The following CYBB variants were observed in gnomAD, a reference collection of about 807,000 sequenced individuals.
CYBB encodes cytochrome b-245 beta chain.
Under a neutral mutation model 46.5 loss-of-function variants are expected in CYBB, and 5 were observed. The observed-to-expected ratio is 0.11, with a 90% confidence interval of 0.06 to 0.23. The LOEUF is 0.23. Among genes scored for constraint, CYBB ranks in the 10% least tolerant of loss-of-function variants. CYBB has a pLI of 1.00. For missense variants in CYBB, 307 were observed against 428.3 expected (o/e 0.72, Z 2.50); for synonymous variants, 183 against 156.7 (o/e 1.17, Z -1.26).
At chrX:37,782,816 A>G (rs782245862) in intron 2 of CYBB, among the ~76,000 whole-genome samples, 2 of 111,403 alleles carry the variant, frequency 1.8e-5, no homozygotes, top group Non-Finnish European at 3.8e-5. Context: ...ATTAATTATT[A>G]TAAGTATTAT....
chrX:37,801,586 TTGTGTGTG>T (rs58302662), intron 8 of CYBB, among the ~76,000 whole-genome samples: 59 of 84,589 alleles, frequency 7.0e-4, no homozygotes, highest in African/African-American at 9.0e-4. Flanking sequence ...CCCCCACCCA[TTGTGTGTG>T]TGTGTGTGTG....
At chrX:37,803,750 C>A (rs188199559) in intron 8 of CYBB, 127 bp from the exon 9 acceptor site, 17 of 650,237 alleles carry the variant, frequency 2.6e-5, no homozygotes, top group Middle Eastern at 4.6e-4. Flanking sequence ...GCTGGAGGAA[C>A]TCCTGTGTTG....
chrX:37,784,503 C>T (rs1929018259), intron 3 of CYBB, among the ~76,000 whole-genome samples: 3 of 111,149 alleles, frequency 2.7e-5, no homozygotes, highest in African/African-American at 9.8e-5. Context: ...GACAGAAGCA[C>T]AGGAAATAGT....
chrX:37,802,549 A>G (rs903003327), intron 8 of CYBB, among the ~76,000 whole-genome samples: 4 of 111,749 alleles, frequency 3.6e-5, no homozygotes, highest in African/African-American at 1.3e-4. Context: ...ATATGGTAAA[A>G]ATTTTTTCCA....
At chrX:37,789,427 T>A (rs1929142947) in intron 3 of CYBB, among the ~76,000 whole-genome samples, 3 of 99,187 alleles carry the variant, frequency 3.0e-5, no homozygotes, top group African/African-American at 1.1e-4. Context: ...TCTCAGAAAC[T>A]ATAGAGGAAA....
chrX:37,804,895 A>G, intron 9 of CYBB, 111 bp from the exon 10 acceptor site: 3 of 804,241 alleles, frequency 3.7e-6, no homozygotes, highest in East Asian at 3.3e-5. Flanking sequence ...CAATAGATAC[A>G]TTATTCCAAT....
chrX:37,793,195 A>C (rs1249703940), intron 4 of CYBB, among the ~76,000 whole-genome samples: 1 of 107,882 alleles, frequency 9.3e-6, no homozygotes, highest in Non-Finnish European at 1.9e-5. Flanking sequence ...GTATCAATTC[A>C]ATCAAATTTG....
chrX:37,792,107 T>C, intron 4 of CYBB, 48 bp downstream of exon 4: 1 of 833,980 alleles, frequency 1.2e-6, no homozygotes. Flanking sequence ...CCTCTATTCA[T>C]AGATACCTTT....
rs1033264930 is a variant in CYBB, at chrX:37,812,209, A to G, written c.*1292A>G. ...TATGTTCTGAATATATGTTCAAGAGAGAGTCTCTAAATCACTGTTAGTGTG... is the reference window on the plus strand; with the variant it reads ...TATGTTCTGAATATATGTTCAAGAGGGAGTCTCTAAATCACTGTTAGTGTG... On this transcript the variant is annotated 3_prime_UTR_variant, in exon 13 of 13. Transcript: ENST00000378588. 2 of 112,276 alleles carry G rather than the reference A, an allele frequency of 1.8e-5. No homozygotes were observed. The highest frequency in any genetic ancestry group is 3.2e-5 in the African/African-American group (1 of 30,848). 9.3% of individuals were successfully genotyped at this position (112,276 alleles called of 1,213,427 possible).
At chrX:37,786,133 C>A (rs781871572) in intron 3 of CYBB, among the ~76,000 whole-genome samples, 4 of 112,379 alleles carry the variant, frequency 3.6e-5, no homozygotes, top group African/African-American at 9.7e-5. Flanking sequence ...GTGAACTTTT[C>A]TAATAAAACT....
At chrX:37,790,140 T>C (rs1929165848) in intron 3 of CYBB, among the ~76,000 whole-genome samples, 1 of 111,714 alleles carries the variant, frequency 9.0e-6, no homozygotes, top group Non-Finnish European at 1.9e-5. Context: ...AAAAAACCCT[T>C]TGGGATAAGT....
chrX:37,799,395 G>A (rs1929390442), intron 7 of CYBB, among the ~76,000 whole-genome samples: 1 of 111,700 alleles, frequency 9.0e-6, no homozygotes, highest in Non-Finnish European at 1.9e-5. Flanking sequence ...ATGATTTTTA[G>A]GGGGACACTT....
intron 6 of CYBB, 83 bp from the exon 7 acceptor site, chrX:37,798,872 C>A: frequency 1.0e-6 from 1 of 987,187 alleles, no homozygotes; most frequent in Non-Finnish European, 1.4e-6. Context: ...TACATCAGAG[C>A]ACTTAAAATA....
At chrX:37,780,707 T>C (rs1271806281) in intron 1 of CYBB, among the ~76,000 whole-genome samples, 2 of 107,901 alleles carry the variant, frequency 1.9e-5, no homozygotes, top group Non-Finnish European at 3.8e-5. Flanking sequence ...AAATATGTAG[T>C]ATGTATATTT....
rs911805992 is a variant in CYBB, at chrX:37,780,899, C to T, written c.45+777C>T. On this transcript the variant is annotated intron_variant, in intron 1 of 12. Coordinates refer to ENST00000378588, the MANE Select transcript of CYBB (RefSeq NM_000397.4). ...TGGACAAATTGGGTAGATAGAAATACGATTTTTAAATAGCCTTTCTAAATA... is the reference window on the plus strand; with the variant it reads ...TGGACAAATTGGGTAGATAGAAATATGATTTTTAAATAGCCTTTCTAAATA... 4.5e-5 allele frequency among the ~76,000 whole-genome samples: 5 copies of T among 111,096 alleles called. No homozygotes were observed. In the South Asian group the frequency reaches 1.1e-3, roughly 25 times the overall value.
At chrX:37,780,779 T>C (rs1928936652) in intron 1 of CYBB, among the ~76,000 whole-genome samples, 1 of 110,638 alleles carries the variant, frequency 9.0e-6, no homozygotes, top group Non-Finnish European at 1.9e-5. Context: ...AGTAAAGATA[T>C]AGCTAATTTA....
intron 1 of CYBB, 124 bp downstream of exon 1, chrX:37,780,246 C>T (rs1469140046): frequency 1.7e-6 from 1 of 572,767 alleles, no homozygotes; most frequent in Non-Finnish European, 2.9e-6. Context: ...ACCATGTGAA[C>T]CTATATCTAT....
At chrX:37,807,175 T>G (rs1556472001) in intron 11 of CYBB, among the ~76,000 whole-genome samples, 1 of 110,671 alleles carries the variant, frequency 9.0e-6, no homozygotes, top group Non-Finnish European at 1.9e-5. Flanking sequence ...AACTATGATG[T>G]TTATTAAGTT....
At chrX:37,810,468 G>A (rs1174095542) in intron 12 of CYBB, among the ~76,000 whole-genome samples, 1 of 112,081 alleles carries the variant, frequency 8.9e-6, no homozygotes, top group Non-Finnish European at 1.9e-5. Flanking sequence ...AAGATGCCAG[G>A]GGGCACAGAG....
Sources: gnomAD v4.1 joint callset for allele counts (sites outside exome capture counted in the v4.1 genomes callset) on GRCh38, gnomAD v4.1.1 for gene constraint, MANE v1.5 for transcripts, NCBI Gene and HGNC (gene_info 2026-07-23, HGNC 2026-07-21) for gene names.